ROBO2: variants seen among roughly 807,000 people sequenced by gnomAD.
The protein encoded by ROBO2 is roundabout homolog 2.
A neutral mutation model predicts 160.8 loss-of-function variants in ROBO2; 53 were observed. The ratio of observed to expected loss-of-function variants is 0.33; its 90% CI spans 0.26 to 0.41. The LOEUF is 0.41. Ranked by LOEUF, ROBO2 falls within the 10% of genes least tolerant of loss-of-function variation. The pLI, the probability that ROBO2 is intolerant of heterozygous loss-of-function variation, is 1.00. For synonymous variants in ROBO2, 664 were observed against 611.7 expected (o/e 1.09, Z -1.26); for missense variants, 1,577 against 1,722.4 (o/e 0.92, Z 1.49).
intron 2 of ROBO2, among the ~76,000 whole-genome samples, chr3:77,439,107 T>C (rs1357294183): frequency 1.3e-5 from 2 of 152,044 alleles, no homozygotes; most frequent in African/African-American, 4.8e-5. Context: ...TTTAAATTCT[T>C]ACAATTATCA....
rs559359214 is a variant in ROBO2, at chr3:77,369,165, G to A, written c.389-108249G>A. ...CTGTCCTGGGACTAGAGTGAAGCAG[G>A]TGAAGTGCCCGGGGTGTGCTTCACA... On this transcript the variant is annotated intron_variant, in intron 2 of 25. Transcript: ENST00000461745. Among the ~76,000 whole-genome samples the A allele has an allele frequency of 1.2e-3, 179 of 152,266 alleles. 1 individual carries two copies. The Middle Eastern group carries it at 0.017, about 14-fold the overall frequency.
intron 2 of ROBO2, among the ~76,000 whole-genome samples, chr3:77,367,085 T>A (rs1386272287): frequency 1.3e-5 from 2 of 152,156 alleles, no homozygotes; most frequent in Non-Finnish European, 2.9e-5. Flanking sequence ...AGACACTCAC[T>A]TTGAAACCCT....
At chr3:76,701,931 A>G (rs2093053797) in intron 2 of ROBO2, among the ~76,000 whole-genome samples, 1 of 151,820 alleles carries the variant, frequency 6.6e-6, no homozygotes, top group African/African-American at 2.4e-5. Flanking sequence ...GCCGCTCTTC[A>G]TTTATTCAGA....
intron 2 of ROBO2, among the ~76,000 whole-genome samples, chr3:76,049,492 C>T (rs933289861): frequency 1.2e-4 from 17 of 146,168 alleles, no homozygotes; most frequent in Non-Finnish European, 2.2e-4. Context: ...GATCCGTCTC[C>T]CTCAGTCTCC....
Position 77,522,488 on chromosome 3 carries a change from A to C in ROBO2, c.807-287A>C, listed in dbSNP as rs775779. Among the ~76,000 whole-genome samples the C allele has an allele frequency of 0.61, 91,856 of 150,884 alleles. 27,973 individuals are homozygous for C. Among genetic ancestry groups the C allele is most frequent in the East Asian group, 0.69 (3,501 of 5,090 alleles). ...GTTTTCTTTAGCAGTCAAGAGCTAC[A>C]AAATAAAGGTCAAAGTGCTAATTAT... On this transcript the variant is annotated intron_variant, in intron 5 of 25. Transcript: ENST00000461745.
At chr3:77,041,577 G>T (rs1282110917) in intron 1 of ROBO2, among the ~76,000 whole-genome samples, 1 of 152,114 alleles carries the variant, frequency 6.6e-6, no homozygotes, top group Non-Finnish European at 1.5e-5. Flanking sequence ...CTTGTCTTTT[G>T]TTCCGATTTG....
chr3:77,043,628 A>G lies in ROBO2; in HGVS notation c.61+2782A>G, dbSNP rs138632487. ...TCTAGACTTTTCTGTATGATCATAT[A>G]GGAGAATGTATGTTAAGGTTAGCCT... is the stretch of plus-strand genomic sequence containing the variant. On this transcript the variant is annotated intron_variant, in intron 1 of 25. Coordinates refer to ENST00000461745, the Ensembl canonical transcript of ROBO2. 1.3e-3 allele frequency among the ~76,000 whole-genome samples: 193 copies of G among 152,280 alleles called. 1 individual carries two copies. The highest frequency in any genetic ancestry group is 4.2e-3 in the African/African-American group (176 of 41,570).
intron 2 of ROBO2, among the ~76,000 whole-genome samples, chr3:77,274,158 T>C (rs2153359499): frequency 6.6e-6 from 1 of 152,300 alleles, no homozygotes; most frequent in South Asian, 2.1e-4. Context: ...AAACACTTTT[T>C]TCCCAAGAAA....
At chr3:76,217,409 A>G (rs967114147) in intron 2 of ROBO2, among the ~76,000 whole-genome samples, 3 of 152,286 alleles carry the variant, frequency 2.0e-5, no homozygotes, top group African/African-American at 7.2e-5. Context: ...AAATTGATAA[A>G]CCTCTAGAAG....
chr3:76,176,748 C>T (rs2073247876), intron 2 of ROBO2, among the ~76,000 whole-genome samples: 1 of 151,844 alleles, frequency 6.6e-6, no homozygotes, highest in Admixed American at 6.6e-5. Context: ...ATAAGGGTAG[C>T]TAAATAACAA....
chr3:77,063,154 G>A (rs2066493094), intron 1 of ROBO2, among the ~76,000 whole-genome samples: 1 of 152,176 alleles, frequency 6.6e-6, no homozygotes, highest in African/African-American at 2.4e-5. Context: ...ACATCATGAG[G>A]GTGGGAGCAG....
At chr3:76,689,050 T>C (rs1330932652) in intron 2 of ROBO2, among the ~76,000 whole-genome samples, 1 of 152,182 alleles carries the variant, frequency 6.6e-6, no homozygotes, top group Non-Finnish European at 1.5e-5. Context: ...TGAAAAATAA[T>C]ACATAATGTT....
chr3:77,291,797 G>T (rs1308626334), intron 2 of ROBO2, among the ~76,000 whole-genome samples: 2 of 150,706 alleles, frequency 1.3e-5, no homozygotes, highest in East Asian at 4.0e-4. Context: ...GGAAGTTGAG[G>T]CTAGAACAGT....
At chr3:76,566,807 G>C (rs1364474697) in intron 2 of ROBO2, among the ~76,000 whole-genome samples, 1 of 152,000 alleles carries the variant, frequency 6.6e-6, no homozygotes, top group Non-Finnish European at 1.5e-5. Flanking sequence ...AAAAGGAAAA[G>C]AAGAAAAGAG....
At chr3:76,167,769 A>G (rs2072893305) in intron 2 of ROBO2, among the ~76,000 whole-genome samples, 1 of 152,230 alleles carries the variant, frequency 6.6e-6, no homozygotes. Flanking sequence ...TTTGAAATCT[A>G]AAAATTAAAA....
chr3:77,507,670 T>G (rs1328905776), intron 5 of ROBO2, among the ~76,000 whole-genome samples: 2 of 152,300 alleles, frequency 1.3e-5, no homozygotes, highest in Non-Finnish European at 2.9e-5. Flanking sequence ...CTAGTCCTAT[T>G]GTAAAACCAG....
intron 1 of ROBO2, among the ~76,000 whole-genome samples, chr3:75,907,944 T>C (rs1170841477): frequency 6.6e-6 from 1 of 152,032 alleles, no homozygotes; most frequent in Non-Finnish European, 1.5e-5. Context: ...GTTTCTTTCT[T>C]ACTAATAGCA....
In ROBO2 at chr3:76,632,087, C is replaced by T. The variant is rs148261933; in HGVS notation, c.110-465927C>T. The stretch of plus-strand genomic sequence containing the variant: ...TTGATGTGAGACTCTGATATTGTAC[C>T]GCCTTTCTCTGCCCTAGGAGTTGAA... On this transcript the variant is annotated intron_variant, in intron 2 of 26. Coordinates refer to the ROBO2 transcript ENST00000487694. Among the ~76,000 whole-genome samples, 360 of 152,266 alleles carry T rather than the reference C, an allele frequency of 2.4e-3. 2 individuals carry two copies. Among genetic ancestry groups the T allele is most frequent in the African/African-American group, 8.5e-3 (352 of 41,542 alleles).
At chr3:76,102,712 G>A (rs2069748280) in intron 2 of ROBO2, among the ~76,000 whole-genome samples, 1 of 152,096 alleles carries the variant, frequency 6.6e-6, no homozygotes, top group South Asian at 2.1e-4. Context: ...GCTTTTCAAT[G>A]TTGATGAATG....
Sources: allele counts gnomAD v4.1 joint callset (sites outside exome capture counted in the v4.1 genomes callset), GRCh38; gene constraint gnomAD v4.1.1; transcripts MANE v1.5; gene names NCBI Gene and HGNC (gene_info 2026-07-23, HGNC 2026-07-21).